The following HNRNPUL1 variants were observed in gnomAD, a reference collection of about 807,000 sequenced individuals.
HNRNPUL1 encodes heterogeneous nuclear ribonucleoprotein U like 1.
HNRNPUL1 carries 14 observed loss-of-function variants against 108.5 expected under a neutral mutation model. The observed-to-expected ratio is 0.13, with a 90% CI of 0.09 to 0.20. The LOEUF (loss-of-function observed/expected upper bound fraction) is 0.20, where lower values mean the gene tolerates loss of function less well. Ranked by LOEUF, HNRNPUL1 falls within the 10% of genes least tolerant of loss-of-function variation. HNRNPUL1 has a pLI of 1.00. For missense variants in HNRNPUL1, 804 were observed against 1,168.3 expected (o/e 0.69, Z 4.55); for synonymous variants, 422 against 445.2 (o/e 0.95, Z 0.66).
At chr19:41,301,827 C>A in intron 11 of HNRNPUL1, 123 bp downstream of exon 11, 1 of 899,618 alleles carries the variant, frequency 1.1e-6, no homozygotes, top group Non-Finnish European at 1.6e-6. Context: ...TCTTTCTTTG[C>A]TTCTGCTTTG....
Position 41,292,213 on chromosome 19 carries a change from G to A in HNRNPUL1, c.1000-32G>A. On this transcript the variant is annotated intron_variant, in intron 7 of 14. Coordinates refer to ENST00000392006, the MANE Select transcript of HNRNPUL1 (RefSeq NM_007040.6). The surrounding 1 kb of genome is among the most constrained non-coding windows in gnomAD (Gnocchi z 4.1). ...ACTCCCAGTGCCTATGGCAAGAGTTGGCAATCATATTCCTTTGGCTTTTTC... is the reference window on the plus strand; with the variant it reads ...ACTCCCAGTGCCTATGGCAAGAGTTAGCAATCATATTCCTTTGGCTTTTTC... The A allele has an allele frequency of 6.2e-7, 1 of 1,607,884 alleles. No individual in the cohort carries two copies. The highest frequency in any genetic ancestry group is 1.1e-5 in the South Asian group (1 of 90,814).
chr19:41,264,586 A>T lies in HNRNPUL1; in HGVS notation c.83A>T (p.Glu28Val), dbSNP rs2034690022. The T allele has an allele frequency of 6.4e-7, 1 of 1,572,492 alleles. No individual in the cohort carries two copies. Among genetic ancestry groups the T allele is most frequent in the Non-Finnish European group, 8.6e-7 (1 of 1,167,114 alleles). ...RGLDTRGLKAELAERLQAALE... is the reference protein window; with the variant it reads ...RGLDTRGLKAVLAERLQAALE... ...CTGGACACTCGAGGCCTCAAGGCCG[A>T]GCTTGCTGAGCGGCTGCAGGCGGCG... is the stretch of plus-strand genomic sequence containing the variant. Residue 28 changes from glutamate to valine, a missense_variant, in exon 1 of 15, where the codon GAG becomes GTG. Physicochemically the swap from Glu to Val is moderately radical, Grantham distance 121 (BLOSUM62 -2). Around this residue, in one of 4 missense-constraint regions of HNRNPUL1, gnomAD observed 256 missense variants for 261.6 expected, o/e 0.98. Transcript: ENST00000392006.
At chr19:41,267,125 C>T (rs1023464501) in intron 1 of HNRNPUL1, among the ~76,000 whole-genome samples, 4 of 152,192 alleles carry the variant, frequency 2.6e-5, no homozygotes, top group African/African-American at 9.7e-5. Context: ...GCCTGGTTTC[C>T]TTAATGTGTA....
intron 2 of HNRNPUL1, among the ~76,000 whole-genome samples, chr19:41,271,202 G>A (rs1169049762): frequency 2.0e-5 from 3 of 152,188 alleles, no homozygotes; most frequent in Admixed American, 1.3e-4. Flanking sequence ...TTTCTTGTGG[G>A]TGGCTCAGAA....
chr19:41,277,998 A>G (rs2035674375), intron 5 of HNRNPUL1, among the ~76,000 whole-genome samples: 1 of 149,720 alleles, frequency 6.7e-6, no homozygotes, highest in East Asian at 2.0e-4. Flanking sequence ...ACATTTTTCC[A>G]TAGCAGTACA....
At chr19:41,272,306 G>A in intron 3 of HNRNPUL1, 71 bp downstream of exon 3, 3 of 1,503,928 alleles carry the variant, frequency 2.0e-6, no homozygotes, top group Non-Finnish European at 1.8e-6. Flanking sequence ...GCTTGCTGGG[G>A]ACATTTGCAC....
chr19:41,287,632 TCAC>T (rs1352140362), intron 7 of HNRNPUL1, among the ~76,000 whole-genome samples: 1 of 152,126 alleles, frequency 6.6e-6, no homozygotes, highest in Admixed American at 6.6e-5. Context: ...CAATCTCAGC[TCAC>T]CACAACCTCC....
rs776825783 is a variant in HNRNPUL1, at chr19:41,302,880, C to T, written c.1903C>T (p.Pro635Ser). The change falls in exon 12 of 15, where the codon CCT (proline) becomes TCT (serine). Residue 635 changes from proline (P) to serine (S), a missense_variant. This residue lies in a region of HNRNPUL1 where 294 missense variants were observed against 388.3 expected (regional missense o/e 0.76). Transcript: ENST00000392006. Reference protein sequence around the residue: ...GFQRYENRGPPGGNRGGFQNR... With the variant: ...GFQRYENRGPSGGNRGGFQNR... ...CCAGCGCTATGAAAACCGAGGACCC[C>T]CTGGAGGCAACCGTGGCGGCTTCCA... The T allele has an allele frequency of 1.9e-6, 3 of 1,550,044 alleles. No individual in the cohort carries two copies. The highest frequency in any genetic ancestry group is 2.6e-6 in the Non-Finnish European group (3 of 1,148,824).
Position 41,276,150 on chromosome 19 carries a change from C to G in HNRNPUL1, c.647-9C>G. On this transcript the variant is annotated splice_polypyrimidine_tract_variant and intron_variant, in intron 4 of 14. Transcript: ENST00000392006. Reference sequence around the variant, plus strand: ...AACATCAGCCAACTGTGGGCATTTTCCTTCACAGATAACTGCGACCTCCAC... The same window carrying G: ...AACATCAGCCAACTGTGGGCATTTTGCTTCACAGATAACTGCGACCTCCAC... The G allele has an allele frequency of 6.2e-7, 1 of 1,613,898 alleles. No homozygotes were observed. The highest frequency in any genetic ancestry group is 1.3e-5 in the African/African-American group (1 of 74,990).
Position 41,264,426 on chromosome 19 carries a change from C to T in HNRNPUL1, c.-78C>T. 3 of 1,220,138 alleles carry T rather than the reference C, an allele frequency of 2.5e-6. No homozygotes were observed. Among genetic ancestry groups the T allele is most frequent in the East Asian group, 3.1e-5 (1 of 31,988 alleles). 75.6% of individuals were successfully genotyped at this position (1,220,138 alleles called of 1,614,324 possible). A position where few individuals can be genotyped will look rare whatever the true frequency, so the allele number is the denominator to read the frequency against. On this transcript the variant is annotated 5_prime_UTR_variant, in exon 1 of 15. Coordinates refer to ENST00000392006, the MANE Select transcript of HNRNPUL1 (RefSeq NM_007040.6). ...GCCCCCCCCCTTTCCCCCTTCGCCTCCTGACAGGAAAGGTTTAAGGGGGAC... is the reference window on the plus strand; with the variant it reads ...GCCCCCCCCCTTTCCCCCTTCGCCTTCTGACAGGAAAGGTTTAAGGGGGAC...
At chr19:41,295,704 G>A (rs183634528) in intron 10 of HNRNPUL1, among the ~76,000 whole-genome samples, 9 of 152,318 alleles carry the variant, frequency 5.9e-5, no homozygotes, top group Non-Finnish European at 8.8e-5. Context: ...CCTTCCATAC[G>A]TGTAGGCCTG....
At chr19:41,267,830 C>CT (rs1377478895) in intron 1 of HNRNPUL1, among the ~76,000 whole-genome samples, 1 of 152,334 alleles carries the variant, frequency 6.6e-6, no homozygotes, top group East Asian at 1.9e-4. Flanking sequence ...CACCTCTGAG[C>CT]TTTCACACGT....
At chr19:41,293,333 A>G (rs2036699042) in intron 8 of HNRNPUL1, among the ~76,000 whole-genome samples, 1 of 152,176 alleles carries the variant, frequency 6.6e-6, no homozygotes, top group Non-Finnish European at 1.5e-5. Flanking sequence ...TTTATCATTG[A>G]GATTCTATGG....
chr19:41,267,325 A>G (rs765973379), intron 1 of HNRNPUL1, among the ~76,000 whole-genome samples: 1 of 152,144 alleles, frequency 6.6e-6, no homozygotes, highest in Non-Finnish European at 1.5e-5. Context: ...AACACAGGAG[A>G]GAGATGCTGG....
upstream of HNRNPUL1, chr19:41,264,358 C>A: frequency 3.5e-6 from 2 of 578,818 alleles, no homozygotes; most frequent in Non-Finnish European, 5.3e-6. Context: ...AGGGGGGAGG[C>A]GGTGGCGGCG....
chr19:41,268,616 T>G (rs990008022), intron 2 of HNRNPUL1, among the ~76,000 whole-genome samples: 1 of 152,082 alleles, frequency 6.6e-6, no homozygotes, highest in African/African-American at 2.4e-5. Context: ...CCCAGCACTT[T>G]GGGAGGCCGA....
intron 1 of HNRNPUL1, among the ~76,000 whole-genome samples, chr19:41,266,258 C>T (rs1208601404): frequency 6.6e-6 from 1 of 152,028 alleles, no homozygotes; most frequent in East Asian, 1.9e-4. Flanking sequence ...CATAGTGAAA[C>T]CCTGTCTCTA....
rs2034673721 is a variant in HNRNPUL1 at position 41,264,408 on chromosome 19, C to CA, written c.-96_-95insA. ...CTGCCGCCATTGGAGTGGGCCCCCCCCCTTTCCCCCTTCGCCTCCTGACAG... is the reference window on the plus strand; with the variant it reads ...CTGCCGCCATTGGAGTGGGCCCCCCCACCTTTCCCCCTTCGCCTCCTGACAG... On this transcript the variant is annotated 5_prime_UTR_variant, in exon 1 of 15. Transcript: ENST00000392006. 1.8e-6 allele frequency: 2 copies of CA among 1,082,034 alleles called. No homozygotes were observed. Among genetic ancestry groups the CA allele is most frequent in the South Asian group, 6.0e-5 (2 of 33,188 alleles). 67.0% of individuals were successfully genotyped at this position (1,082,034 alleles called of 1,614,324 possible).
chr19:41,269,894 T>TTCAA (rs2035111262), intron 2 of HNRNPUL1, among the ~76,000 whole-genome samples: 1 of 151,538 alleles, frequency 6.6e-6, no homozygotes, highest in Non-Finnish European at 1.5e-5. Context: ...AGTCCAGGAG[T>TTCAA]TCAAGACCAG....
Sources: allele counts gnomAD v4.1 joint callset (sites outside exome capture counted in the v4.1 genomes callset), GRCh38; gene constraint gnomAD v4.1.1; regional missense constraint gnomAD v4.1.1; non-coding constraint Gnocchi (gnomAD v3.1); transcripts MANE v1.5; gene names NCBI Gene and HGNC (gene_info 2026-07-23, HGNC 2026-07-21).